GLT8D2: variants seen among roughly 807,000 people sequenced by gnomAD.
GLT8D2 encodes the protein glycosyltransferase 8 domain containing 2.
GLT8D2 carries 45 observed loss-of-function variants against 44.5 expected under a neutral mutation model. That is an observed-to-expected ratio of 1.01 (90% CI 0.80 to 1.30). The LOEUF is 1.30. GLT8D2 is among the 50% of genes most tolerant of loss of function. GLT8D2 has a pLI of 0.00. For synonymous variants in GLT8D2, 156 were observed against 157.2 expected (o/e 0.99, Z 0.06); for missense variants, 400 against 430.4 (o/e 0.93, Z 0.62).
At chr12:104,017,605 G>A (rs537051987) in intron 3 of GLT8D2, among the ~76,000 whole-genome samples, 2 of 152,336 alleles carry the variant, frequency 1.3e-5, no homozygotes, top group African/African-American at 2.4e-5. Context: ...TTACAGGCAT[G>A]AGCCACTGTG....
At chr12:103,990,258 T>C (rs1038164765) in intron 10 of GLT8D2, among the ~76,000 whole-genome samples, 9 of 151,818 alleles carry the variant, frequency 5.9e-5, no homozygotes, top group Non-Finnish European at 1.2e-4. Context: ...CAAGAGTTTA[T>C]AGGGGTTCTT....
chr12:104,027,057 C>T (rs1156677830), intron 1 of GLT8D2, among the ~76,000 whole-genome samples: 1 of 152,194 alleles, frequency 6.6e-6, no homozygotes, highest in East Asian at 1.9e-4. Flanking sequence ...TCTAGGAAAA[C>T]TCTTCAACAG....
At chr12:103,996,945 G>A in intron 7 of GLT8D2, 98 bp from the exon 8 acceptor site, 1 of 724,326 alleles carries the variant, frequency 1.4e-6, no homozygotes, top group Admixed American at 2.8e-5. Context: ...TGCTATGGGA[G>A]AAGAGTATTG....
intron 1 of GLT8D2, among the ~76,000 whole-genome samples, chr12:104,023,885 C>G (rs930078687): frequency 2.0e-5 from 3 of 152,178 alleles, no homozygotes; most frequent in African/African-American, 7.2e-5. Flanking sequence ...CTTTTTATTG[C>G]TGAATGGTAT....
chr12:104,016,774 A>AAAGGAAG (rs1566199639), intron 3 of GLT8D2, among the ~76,000 whole-genome samples: 12 of 58,342 alleles, frequency 2.1e-4, no homozygotes, highest in Non-Finnish European at 3.0e-4. Context: ...AAAGAAAGAA[A>AAAGGAAG]GAAGGAAGGA....
chr12:104,038,264 TA>T (rs1880131781), intron 1 of GLT8D2, among the ~76,000 whole-genome samples: 1 of 152,180 alleles, frequency 6.6e-6, no homozygotes, highest in Non-Finnish European at 1.5e-5. Context: ...TCACCACTCC[TA>T]TTCAACATAG....
Position 103,997,534 on chromosome 12 carries a change from A to C in GLT8D2, c.404T>G (p.Leu135Arg). Residue 135 changes from leucine to arginine, a missense_variant and splice_region_variant, in exon 7 of 11, where the codon CTG (leucine) becomes CGG (arginine). Leu to Arg is a moderately radical substitution (Grantham distance 102). Transcript: ENST00000360814. Reference sequence around the variant, plus strand: ...AGGGAGATAAAATCGAACAAAGTTCAGCTGTTAAAACGACAAAAGAAATGA... The same window carrying C: ...AGGGAGATAAAATCGAACAAAGTTCCGCTGTTAAAACGACAAAAGAAATGA... ...DSSRPELLQP[L>R]NFVRFYLPLL... is the part of the protein sequence containing the mutation. 6.2e-7 allele frequency: 1 copy of C among 1,611,888 alleles called. No individual in the cohort carries two copies. The highest frequency in any genetic ancestry group is 1.1e-5 in the South Asian group (1 of 91,016).
At chr12:104,006,853 AAC>A (rs916993844) in intron 4 of GLT8D2, among the ~76,000 whole-genome samples, 12 of 152,124 alleles carry the variant, frequency 7.9e-5, no homozygotes, top group Non-Finnish European at 1.6e-4. Context: ...GCTAGCCTAA[AAC>A]ACACACACAC....
chr12:104,014,118 C>A, intron 4 of GLT8D2: 1 of 542,804 alleles, frequency 1.8e-6, no homozygotes, highest in Non-Finnish European at 3.3e-6. Flanking sequence ...AATCCCAGCA[C>A]TTTGGGAGGC....
chr12:104,024,110 C>T (rs1393212708), intron 1 of GLT8D2, among the ~76,000 whole-genome samples: 3 of 152,158 alleles, frequency 2.0e-5, no homozygotes, highest in African/African-American at 4.8e-5. Flanking sequence ...GGCTGGCTGC[C>T]GTGGCTCATG....
intron 10 of GLT8D2, among the ~76,000 whole-genome samples, chr12:103,991,823 T>TAAAAAAAAA (rs11340919): frequency 8.1e-6 from 1 of 123,202 alleles, no homozygotes; most frequent in African/African-American, 3.1e-5. Context: ...TTACGTCCTT[T>TAAAAAAAAA]AAAAAAAAAA....
chr12:104,019,108 ACTT>A (rs1877279667), intron 3 of GLT8D2, among the ~76,000 whole-genome samples: 5 of 143,060 alleles, frequency 3.5e-5, no homozygotes, highest in African/African-American at 7.8e-5. Flanking sequence ...GTTCACTTCC[ACTT>A]CTTCTTCTTT....
intron 1 of GLT8D2, among the ~76,000 whole-genome samples, chr12:104,045,947 AAG>A (rs1881096010): frequency 6.7e-6 from 1 of 148,260 alleles, no homozygotes; most frequent in African/African-American, 2.5e-5. Context: ...AAAAGAAAGA[AAG>A]AAAGAAAATA....
At chr12:103,999,203 G>T (rs1385594730) in intron 6 of GLT8D2, among the ~76,000 whole-genome samples, 194 bp downstream of exon 6, 2 of 151,962 alleles carry the variant, frequency 1.3e-5, no homozygotes, top group Non-Finnish European at 2.9e-5. Flanking sequence ...TAACTTCATT[G>T]TGCTTCTATA....
chr12:104,005,180 T>A (rs558059959), intron 4 of GLT8D2, among the ~76,000 whole-genome samples: 1 of 152,222 alleles, frequency 6.6e-6, no homozygotes, highest in Non-Finnish European at 1.5e-5. Context: ...GCTAGCCATA[T>A]GTAGAAAGCT....
intron 4 of GLT8D2, chr12:104,012,800 G>T (rs1295598562): frequency 1.4e-6 from 1 of 698,714 alleles, no homozygotes; most frequent in Admixed American, 2.0e-5. Context: ...CCATTTGGTA[G>T]GCCTTATCCC....
At chr12:104,034,517 C>G (rs1023223670) in intron 1 of GLT8D2, among the ~76,000 whole-genome samples, 2 of 152,268 alleles carry the variant, frequency 1.3e-5, no homozygotes, top group Non-Finnish European at 2.9e-5. Flanking sequence ...GGGGCCCATG[C>G]CCATGGAGCC....
intron 1 of GLT8D2, among the ~76,000 whole-genome samples, chr12:104,058,474 G>A (rs186869524): frequency 1.6e-4 from 24 of 152,306 alleles, no homozygotes; most frequent in African/African-American, 5.8e-4. Context: ...CCATTGGGGG[G>A]TGTGAAGCCA....
At chr12:104,016,717 AAGAAAGAAAGAAAGAAAG>A (rs1270394903) in intron 3 of GLT8D2, among the ~76,000 whole-genome samples, 6 of 41,256 alleles carry the variant, frequency 1.5e-4, no homozygotes, top group African/African-American at 4.3e-4. Flanking sequence ...GAGAGAAAGA[AAGAAAGAAAGAAAGAAAG>A]AAAGAAAGAA....
Sources: allele counts gnomAD v4.1 joint callset (sites outside exome capture counted in the v4.1 genomes callset), GRCh38; gene constraint gnomAD v4.1.1; transcripts MANE v1.5; gene names NCBI Gene and HGNC (gene_info 2026-07-23, HGNC 2026-07-21).